The following CDK17 variants were observed in gnomAD, a reference collection of about 807,000 sequenced individuals.
CDK17 encodes cyclin-dependent kinase 17.
A neutral mutation model predicts 77.6 loss-of-function variants in CDK17; 24 were observed. The observed-to-expected ratio is 0.31, with a 90% CI of 0.22 to 0.44. The LOEUF (loss-of-function observed/expected upper bound fraction) is 0.44, where lower values mean the gene tolerates loss of function less well. CDK17 is among the 20% of genes least tolerant of loss of function. CDK17 has a pLI of 1.00. For synonymous variants in CDK17, 203 were observed against 210.4 expected (o/e 0.96, Z 0.30); for missense variants, 429 against 622.5 (o/e 0.69, Z 3.31).
chr12:96,289,098 AAT>A (rs1178963397), intron 11 of CDK17, 67 bp downstream of exon 11: 3 of 1,491,134 alleles, frequency 2.0e-6, no homozygotes, highest in Admixed American at 3.4e-5. Context: ...TATACTTATC[AAT>A]ACATCTTGCA....
In CDK17 at chr12:96,283,491, A is replaced by G. The variant is rs550688328; in HGVS notation, c.1365+112T>C. On this transcript the variant is annotated intron_variant, in intron 14 of 16. Coordinates refer to ENST00000261211, the MANE Select transcript of CDK17 (RefSeq NM_002595.5). ...ACTTAAACATGTGCCTTAAGCATAG[A>G]TAATTTTATTTGTCATTAACAATAC... The G allele has an allele frequency of 5.6e-6, 4 of 714,540 alleles. No homozygotes were observed. In the Admixed American group the frequency reaches 1.0e-4, roughly 18 times the overall value. 44.3% of individuals were successfully genotyped at this position (714,540 alleles called of 1,614,324 possible). A position where few individuals can be genotyped will look rare whatever the true frequency, so the allele number is the denominator to read the frequency against.
rs145442683 is a variant in CDK17 at position 96,379,245 on chromosome 12, G to A, written c.-30+20741C>T. 2.0e-5 allele frequency among the ~76,000 whole-genome samples: 3 copies of A among 152,122 alleles called. No individual in the cohort carries two copies. The South Asian group carries it at 6.2e-4, about 32-fold the overall frequency. ...ATTAACATATTATCAGAACCTGTAT[G>A]TAAGTTTACTGAATTACTGTTAAAT... On this transcript the variant is annotated intron_variant, in intron 1 of 16. Coordinates refer to ENST00000261211, the MANE Select transcript of CDK17 (RefSeq NM_002595.5).
intron 2 of CDK17, among the ~76,000 whole-genome samples, chr12:96,326,283 G>C (rs1029059059): frequency 6.6e-6 from 1 of 152,084 alleles, no homozygotes; most frequent in Non-Finnish European, 1.5e-5. Context: ...ACAAAACAAA[G>C]TACTGATCTC....
At chr12:96,359,765 A>C (rs1466264976) in intron 1 of CDK17, among the ~76,000 whole-genome samples, 1 of 152,258 alleles carries the variant, frequency 6.6e-6, no homozygotes, top group Non-Finnish European at 1.5e-5. Flanking sequence ...TATACTATAA[A>C]ACTCAAAGAG....
chr12:96,346,038 A>G (rs1273341123), intron 1 of CDK17, among the ~76,000 whole-genome samples: 2 of 152,224 alleles, frequency 1.3e-5, no homozygotes, highest in Non-Finnish European at 2.9e-5. Flanking sequence ...TGCTGTCTAT[A>G]AGAGACCGGG....
intron 1 of CDK17, among the ~76,000 whole-genome samples, chr12:96,383,001 T>C (rs559280490): frequency 2.0e-5 from 3 of 152,312 alleles, no homozygotes; most frequent in South Asian, 2.1e-4. Context: ...GATACAATTA[T>C]GTATCTAGAA....
At chr12:96,289,830 GC>G (rs1403445202) in intron 10 of CDK17, among the ~76,000 whole-genome samples, 1 of 152,156 alleles carries the variant, frequency 6.6e-6, no homozygotes, top group African/African-American at 2.4e-5. Flanking sequence ...AAATTACAGT[GC>G]TGTTCTGTAC....
intron 4 of CDK17, among the ~76,000 whole-genome samples, chr12:96,311,660 T>C (rs573609477): frequency 4.5e-4 from 67 of 149,174 alleles, no homozygotes; most frequent in African/African-American, 1.5e-3. Context: ...GCCTATATCA[T>C]TGTATCAAGA....
At chr12:96,329,721 T>C (rs1484034712) in intron 2 of CDK17, among the ~76,000 whole-genome samples, 1 of 152,184 alleles carries the variant, frequency 6.6e-6, no homozygotes, top group African/African-American at 2.4e-5. Context: ...ATTACTGTTA[T>C]GATGTAACCA....
At chr12:96,338,839 T>C (rs1378159310) in intron 1 of CDK17, among the ~76,000 whole-genome samples, 2 of 152,106 alleles carry the variant, frequency 1.3e-5, no homozygotes, top group East Asian at 3.8e-4. Context: ...CTTTACCATT[T>C]TTAAGTGCAG....
intron 3 of CDK17, among the ~76,000 whole-genome samples, chr12:96,317,948 A>C (rs1045759003): frequency 7.3e-5 from 11 of 151,352 alleles, no homozygotes; most frequent in African/African-American, 2.7e-4. Flanking sequence ...ACACATAACA[A>C]TATTAACTTT....
rs546935044 is a variant in CDK17, at chr12:96,379,376, G to C, written c.-30+20610C>G. On this transcript the variant is annotated intron_variant, in intron 1 of 16. Coordinates refer to ENST00000261211, the MANE Select transcript of CDK17 (RefSeq NM_002595.5). ...GTTTATATTCTTGATTATAAGATAT[G>C]CTGATATTTATAGTTAAACAAAAGC... Among the ~76,000 whole-genome samples the C allele has an allele frequency of 2.4e-4, 36 of 152,054 alleles. 1 individual carries two copies. The highest frequency in any genetic ancestry group is 8.5e-4 in the Admixed American group (13 of 15,276).
intron 1 of CDK17, among the ~76,000 whole-genome samples, chr12:96,377,896 T>G (rs1053337988): frequency 6.6e-6 from 1 of 152,168 alleles, no homozygotes; most frequent in Non-Finnish European, 1.5e-5. Flanking sequence ...GGTTTCACCG[T>G]GTTAGCCAGG....
intron 1 of CDK17, among the ~76,000 whole-genome samples, chr12:96,368,818 G>GGGC (rs1953640455): frequency 2.1e-5 from 2 of 95,514 alleles, no homozygotes; most frequent in African/African-American, 7.3e-5. Flanking sequence ...GGGGGGGGGG[G>GGGC]GGGGGGCACA....
At chr12:96,371,919 G>C (rs1433089562) in intron 1 of CDK17, among the ~76,000 whole-genome samples, 2 of 151,932 alleles carry the variant, frequency 1.3e-5, no homozygotes, top group African/African-American at 4.8e-5. Flanking sequence ...AATGTTCTTA[G>C]CATACTTGGC....
intron 1 of CDK17, among the ~76,000 whole-genome samples, chr12:96,338,207 G>C (rs989451483): frequency 2.6e-5 from 4 of 152,164 alleles, no homozygotes; most frequent in African/African-American, 9.7e-5. Flanking sequence ...GAACTTCCCT[G>C]GTTGAAGCTC....
chr12:96,356,485 A>G (rs537757766), intron 1 of CDK17, among the ~76,000 whole-genome samples: 137 of 152,160 alleles, frequency 9.0e-4, no homozygotes, highest in African/African-American at 3.1e-3. Flanking sequence ...GTAGAGATGG[A>G]GTTTTGAACT....
intron 3 of CDK17, among the ~76,000 whole-genome samples, chr12:96,323,695 C>T (rs572453396): frequency 6.6e-6 from 1 of 152,274 alleles, no homozygotes; most frequent in East Asian, 1.9e-4. Context: ...TGCCATTCAT[C>T]TTGAAATACT....
intron 5 of CDK17, 121 bp from the exon 6 acceptor site, chr12:96,300,481 C>T: frequency 3.4e-6 from 2 of 588,046 alleles, no homozygotes; most frequent in Non-Finnish European, 3.0e-6. Context: ...ACTGCAACCT[C>T]CACCTCGCGG....
Sources: allele counts gnomAD v4.1 joint callset (sites outside exome capture counted in the v4.1 genomes callset), GRCh38; gene constraint gnomAD v4.1.1; transcripts MANE v1.5; gene names NCBI Gene and HGNC (gene_info 2026-07-23, HGNC 2026-07-21).